Variants in HOOK3 observed in about 807,000 individuals in gnomAD.
HOOK3 encodes hook microtubule tethering protein 3, also known as protein Hook homolog 3.
HOOK3 carries 24 observed loss-of-function variants against 116.3 expected under a neutral mutation model. The ratio of observed to expected loss-of-function variants is 0.21; its 90% CI spans 0.15 to 0.29. The LOEUF is 0.29. Ranked by LOEUF, HOOK3 falls within the 10% of genes least tolerant of loss-of-function variation. HOOK3 has a pLI of 1.00. For synonymous variants in HOOK3, 275 were observed against 283.0 expected, an observed-to-expected ratio of 0.97 and a Z score of 0.28; for missense variants, 632 against 830.2, an observed-to-expected ratio of 0.76 and a Z score of 2.93.
intron 9 of HOOK3, among the ~76,000 whole-genome samples, chr8:42,965,923 T>C (rs1206679874): frequency 2.0e-5 from 3 of 152,156 alleles, no homozygotes; most frequent in Non-Finnish European, 4.4e-5. Flanking sequence ...CCCGACTATG[T>C]GTCTGCAAGG....
At chr8:42,985,038 A>T (rs552150613) in intron 14 of HOOK3, among the ~76,000 whole-genome samples, 2 of 152,350 alleles carry the variant, frequency 1.3e-5, no homozygotes, top group South Asian at 4.1e-4. Flanking sequence ...ATTTTGCAAC[A>T]TGTTTTAGAC....
chr8:43,005,424 A>G lies in HOOK3; in HGVS notation c.1656-2423A>G, dbSNP rs1415322333. 5.3e-5 allele frequency among the ~76,000 whole-genome samples: 8 copies of G among 151,626 alleles called. No homozygotes were observed. The East Asian group carries it at 1.4e-3, about 26-fold the overall frequency. On this transcript the variant is annotated intron_variant, in intron 17 of 21. Coordinates refer to ENST00000307602, the MANE Select transcript of HOOK3 (RefSeq NM_032410.4). ...TTTTTAGTAGAGACAAGGTTTCACC[A>G]TCTTAGCCAGGATGGGCTTGATCTC...
intron 3 of HOOK3, 46 bp downstream of exon 3, chr8:42,925,675 T>C (rs891070968): frequency 1.6e-6 from 2 of 1,284,732 alleles, no homozygotes; most frequent in African/African-American, 1.5e-5. Context: ...TTTGTATGTG[T>C]ATAATATCTG....
At chr8:42,983,203 G>A (rs891852266) in intron 14 of HOOK3, among the ~76,000 whole-genome samples, 9 of 151,722 alleles carry the variant, frequency 5.9e-5, no homozygotes, top group African/African-American at 2.2e-4. Context: ...GTGTGGTGGC[G>A]GGTGCCTGTA....
chr8:42,974,309 C>G, intron 13 of HOOK3, 115 bp downstream of exon 13: 1 of 662,646 alleles, frequency 1.5e-6, no homozygotes, highest in Non-Finnish European at 2.7e-6. Context: ...ACTGCAACCT[C>G]TGCCTCCTGG....
rs764957515 is a variant in HOOK3, at chr8:42,959,282, A to C, written c.583A>C (p.Ile195Leu). Residue 195 changes from isoleucine to leucine, a missense_variant, in exon 8 of 22, where the codon ATT becomes CTT. Physicochemically the swap from Ile to Leu is conservative, Grantham distance 5. Transcript: ENST00000307602. ...LNEALSAKEE[I>L]AQRCHELDMQ... Reference sequence around the variant, plus strand: ...TGAAGCTTTGTCAGCAAAGGAAGAAATTGCTCAAAGATGCCATGAACTGGA... The same window carrying C: ...TGAAGCTTTGTCAGCAAAGGAAGAACTTGCTCAAAGATGCCATGAACTGGA... 7 of 1,613,924 alleles carry C rather than the reference A, an allele frequency of 4.3e-6. No individual in the cohort carries two copies. Among genetic ancestry groups the C allele is most frequent in the Non-Finnish European group, 5.9e-6 (7 of 1,179,802 alleles).
intron 5 of HOOK3, among the ~76,000 whole-genome samples, chr8:42,949,995 G>A (rs1402292324): frequency 6.6e-6 from 1 of 151,662 alleles, no homozygotes; most frequent in Non-Finnish European, 1.5e-5. Context: ...AGAGTTCAAA[G>A]TTTTTTTTGT....
chr8:43,016,923 C>T (rs953163370), intron 21 of HOOK3, among the ~76,000 whole-genome samples: 1 of 152,050 alleles, frequency 6.6e-6, no homozygotes, highest in Non-Finnish European at 1.5e-5. Flanking sequence ...CCTGTAATTC[C>T]AGTACTTTGA....
intron 1 of HOOK3, among the ~76,000 whole-genome samples, chr8:42,904,467 G>T (rs1012806724): frequency 6.6e-6 from 1 of 151,936 alleles, no homozygotes; most frequent in Non-Finnish European, 1.5e-5. Flanking sequence ...GTGCCATCAG[G>T]CCTGGTTAAT....
At chr8:42,916,084 C>G (rs761973230) in intron 2 of HOOK3, among the ~76,000 whole-genome samples, 1 of 152,194 alleles carries the variant, frequency 6.6e-6, no homozygotes, top group African/African-American at 2.4e-5. Context: ...GGCAGATCCT[C>G]TGCCTCTCCA....
intron 8 of HOOK3, 132 bp from the exon 9 acceptor site, chr8:42,964,179 C>T (rs1431035598): frequency 2.4e-6 from 2 of 839,848 alleles, no homozygotes; most frequent in Admixed American, 5.2e-5. Flanking sequence ...TGCACTCCAG[C>T]CTGGGCGACA....
chr8:43,013,513 AT>A, intron 21 of HOOK3, 113 bp downstream of exon 21: 1 of 819,932 alleles, frequency 1.2e-6, no homozygotes, highest in Non-Finnish European at 1.8e-6. Context: ...AGTAACTGCT[AT>A]CCTAACATAC....
chr8:42,974,829 T>A (rs986634685), intron 13 of HOOK3, among the ~76,000 whole-genome samples: 2 of 152,184 alleles, frequency 1.3e-5, no homozygotes, highest in African/African-American at 4.8e-5. Flanking sequence ...TCTCTGCGGC[T>A]CCCTTCCATT....
At chr8:42,950,562 G>T in intron 6 of HOOK3, 107 bp downstream of exon 6, 3 of 623,096 alleles carry the variant, frequency 4.8e-6, no homozygotes, top group Non-Finnish European at 8.4e-6. Flanking sequence ...TTTTTAAAGA[G>T]TTTTTACTTT....
rs867180192 is a variant in HOOK3, at chr8:43,008,804, C to T, written c.1738+875C>T. Among the ~76,000 whole-genome samples the T allele has an allele frequency of 4.7e-3, 693 of 148,430 alleles. 10 individuals carry two copies. The highest frequency in any genetic ancestry group is 0.016 in the African/African-American group (657 of 40,592). ...CCTCCCAAGTAGCTGGGACTACAGG[C>T]GCCCGCCACTACGCCCGGCTAATTT... On this transcript the variant is annotated intron_variant, in intron 18 of 21. Coordinates refer to ENST00000307602, the MANE Select transcript of HOOK3 (RefSeq NM_032410.4).
rs776739012 is a variant in HOOK3 at position 42,986,645 on chromosome 8, G to T, written c.1392-10G>T. On this transcript the variant is annotated splice_polypyrimidine_tract_variant and intron_variant, in intron 14 of 21. Transcript: ENST00000307602. ...GTATATAATATTTAGTTTTTATTTT[G>T]TTCATTCAGGGAGAAACTTATTCGT... 2 of 1,601,698 alleles carry T rather than the reference G, an allele frequency of 1.2e-6. No individual in the cohort carries two copies. The highest frequency in any genetic ancestry group is 8.5e-7 in the Non-Finnish European group (1 of 1,174,032).
chr8:42,954,891 T>C (rs1745185848), intron 6 of HOOK3, among the ~76,000 whole-genome samples: 2 of 152,110 alleles, frequency 1.3e-5, no homozygotes, highest in African/African-American at 4.8e-5. Context: ...GTTTGTAAAT[T>C]AGGGTAGGGG....
intron 2 of HOOK3, among the ~76,000 whole-genome samples, chr8:42,919,448 C>G (rs1388666558): frequency 6.6e-6 from 1 of 150,778 alleles, no homozygotes; most frequent in African/African-American, 2.4e-5. Flanking sequence ...AGACGCTCCT[C>G]ACTTCCCAGA....
At chr8:42,902,002 C>G (rs1328867125) in intron 1 of HOOK3, among the ~76,000 whole-genome samples, 1 of 152,180 alleles carries the variant, frequency 6.6e-6, no homozygotes, top group Non-Finnish European at 1.5e-5. Flanking sequence ...GCCACCGTGC[C>G]AGGCCCAGAT....
Sources: allele counts gnomAD v4.1 joint callset (sites outside exome capture counted in the v4.1 genomes callset), GRCh38; gene constraint gnomAD v4.1.1; transcripts MANE v1.5; gene names NCBI Gene and HGNC (gene_info 2026-07-23, HGNC 2026-07-21).